The following PIGU variants were observed in gnomAD, a reference collection of about 807,000 sequenced individuals.
PIGU encodes the protein GPI-anchor transamidase component PIGU.
PIGU carries 24 observed loss-of-function variants against 49.9 expected under a neutral mutation model. That is an observed-to-expected ratio of 0.48 (90% confidence interval 0.35 to 0.68). PIGU has a LOEUF of 0.68. PIGU is among the 30% of genes least tolerant of loss of function. The pLI, the probability that PIGU is intolerant of heterozygous loss-of-function variation, is 0.01. For missense variants in PIGU, 490 were observed against 532.6 expected (o/e 0.92, Z 0.79); for synonymous variants, 220 against 205.7 (o/e 1.07, Z -0.59).
At chr20:34,576,178 C>A (rs1231290173) in intron 10 of PIGU, among the ~76,000 whole-genome samples, 1 of 151,812 alleles carries the variant, frequency 6.6e-6, no homozygotes, top group Admixed American at 6.6e-5. Flanking sequence ...AGTTCAAGAC[C>A]AGCCTGGGCA....
At chr20:34,673,849 T>A (rs1421709516) in intron 1 of PIGU, among the ~76,000 whole-genome samples, 1 of 150,544 alleles carries the variant, frequency 6.6e-6, no homozygotes, top group Non-Finnish European at 1.5e-5. Context: ...GGTCAGGAGA[T>A]CAAGACCAGC....
intron 11 of PIGU, among the ~76,000 whole-genome samples, chr20:34,572,474 C>T (rs1452736533): frequency 1.3e-5 from 2 of 152,000 alleles, no homozygotes; most frequent in Admixed American, 1.3e-4. Flanking sequence ...TGGTGAAACC[C>T]TGTCTCTACT....
chr20:34,647,777 T>A (rs1271227335), intron 2 of PIGU, among the ~76,000 whole-genome samples: 1 of 152,162 alleles, frequency 6.6e-6, no homozygotes, highest in Non-Finnish European at 1.5e-5. Flanking sequence ...TAACGGTCCA[T>A]TATATGGTCA....
rs771762928 is a variant in PIGU, at chr20:34,562,484, G to T, written c.1195-1505C>A. 4 of 1,289,222 alleles carry T rather than the reference G, an allele frequency of 3.1e-6. No homozygotes were observed. The East Asian group carries it at 2.2e-4, about 71-fold the overall frequency. 79.9% of individuals were successfully genotyped at this position (1,289,222 alleles called of 1,614,324 possible). On this transcript the variant is annotated intron_variant, in intron 11 of 11. Transcript: ENST00000217446. The stretch of plus-strand genomic sequence containing the variant: ...AAGGAGAGATCAGAGGCGCCTGGAG[G>T]AGTTCAGGAAGGTGTCCTGTCACCA...
At chr20:34,644,091 A>G in intron 4 of PIGU, 73 bp downstream of exon 4, 1 of 1,345,584 alleles carries the variant, frequency 7.4e-7, no homozygotes, top group Non-Finnish European at 1.1e-6. Flanking sequence ...CCTTAAGTAT[A>G]AGATCTTTGT....
intron 1 of PIGU, among the ~76,000 whole-genome samples, chr20:34,664,469 C>T (rs1027402439): frequency 3.3e-4 from 48 of 146,954 alleles, no homozygotes; most frequent in Admixed American, 2.0e-3. Context: ...GAGGCCCAGG[C>T]GGGTGGATCA....
At chr20:34,667,675 TTTAA>T (rs1408504128) in intron 1 of PIGU, among the ~76,000 whole-genome samples, 35 of 152,324 alleles carry the variant, frequency 2.3e-4, no homozygotes, top group African/African-American at 8.4e-4. Context: ...ACAGAAGAAT[TTTAA>T]TTATTAAATA....
intron 2 of PIGU, among the ~76,000 whole-genome samples, chr20:34,654,481 CAAA>C (rs199991691): frequency 8.2e-5 from 4 of 48,892 alleles, no homozygotes; most frequent in Admixed American, 3.2e-4. Context: ...AACTCTGTCT[CAAA>C]AAAAAAAAAA....
intron 11 of PIGU, among the ~76,000 whole-genome samples, chr20:34,572,400 A>G (rs1007931772): frequency 6.6e-6 from 1 of 151,944 alleles, no homozygotes; most frequent in African/African-American, 2.4e-5. Context: ...TAATCGCAGC[A>G]CTTTGGGAGG....
intron 11 of PIGU, among the ~76,000 whole-genome samples, chr20:34,574,060 G>A (rs927988175): frequency 6.6e-6 from 1 of 152,236 alleles, no homozygotes; most frequent in South Asian, 2.1e-4. Flanking sequence ...TCCCATCCAG[G>A]CTATTACACA....
intron 6 of PIGU, among the ~76,000 whole-genome samples, chr20:34,630,215 TACCTGCAGAAG>T (rs1336003802): frequency 6.6e-6 from 1 of 151,996 alleles, no homozygotes; most frequent in Non-Finnish European, 1.5e-5. Flanking sequence ...CTTTCTACTC[TACCTGCAGAAG>T]ACCTCAGTTC....
intron 5 of PIGU, among the ~76,000 whole-genome samples, 194 bp downstream of exon 5, chr20:34,637,682 C>A (rs984337767): frequency 9.2e-5 from 14 of 152,098 alleles, no homozygotes; most frequent in Non-Finnish European, 1.6e-4. Context: ...GAGTCTTTGT[C>A]CCAAGAGAGA....
intron 6 of PIGU, among the ~76,000 whole-genome samples, chr20:34,623,724 T>A (rs1040811151): frequency 2.0e-5 from 3 of 152,296 alleles, no homozygotes; most frequent in African/African-American, 7.2e-5. Flanking sequence ...GCTAAGCATT[T>A]TATATTTCTT....
At position 34,560,663 on chromosome 20, in the gene PIGU, C is replaced by G. The variant is rs1277065054; in HGVS notation, c.*203G>C. The G allele has an allele frequency of 2.2e-6, 1 of 456,316 alleles. No homozygotes were observed. Among genetic ancestry groups the G allele is most frequent in the Non-Finnish European group, 3.9e-6 (1 of 259,026 alleles). The allele number at this position is 456,316 out of a possible 1,614,324, so 28.3% of individuals were successfully genotyped here. Reference sequence around the variant, plus strand: ...GTGTGCAGAGCCACAAGGTGGGGGTCCAAGTTGGGGAGCTCCCAGTTCTTC... The same window carrying G: ...GTGTGCAGAGCCACAAGGTGGGGGTGCAAGTTGGGGAGCTCCCAGTTCTTC... On this transcript the variant is annotated 3_prime_UTR_variant, in exon 12 of 12. Coordinates refer to ENST00000217446, the MANE Select transcript of PIGU (RefSeq NM_080476.5).
chr20:34,674,284 G>A (rs1279428909), intron 1 of PIGU, among the ~76,000 whole-genome samples: 3 of 151,992 alleles, frequency 2.0e-5, no homozygotes, highest in African/African-American at 7.3e-5. Context: ...GAACCTGGGA[G>A]GCGGAGGTTG....
Position 34,560,831 on chromosome 20 carries a change from C to T in PIGU, c.*35G>A. The T allele has an allele frequency of 6.8e-7, 1 of 1,474,414 alleles. No homozygotes were observed. Among genetic ancestry groups the T allele is most frequent in the East Asian group, 2.4e-5 (1 of 41,696 alleles). 91.3% of individuals were successfully genotyped at this position (1,474,414 alleles called of 1,614,324 possible). ...TTGGCCCAGCTTCTGGCCCCACAGC[C>T]CCCTGAGGTCCATGCAGCCCTGTGC... On this transcript the variant is annotated 3_prime_UTR_variant, in exon 12 of 12. Coordinates refer to ENST00000217446, the MANE Select transcript of PIGU (RefSeq NM_080476.5).
intron 5 of PIGU, 133 bp downstream of exon 5, chr20:34,637,743 C>A (rs1986012286): frequency 1.3e-6 from 2 of 1,503,028 alleles, no homozygotes; most frequent in East Asian, 4.9e-5. Flanking sequence ...CCCAGTTGTG[C>A]AACAGAACTA....
intron 2 of PIGU, among the ~76,000 whole-genome samples, chr20:34,656,564 G>A (rs868203365): frequency 8.5e-5 from 13 of 152,136 alleles, no homozygotes; most frequent in South Asian, 6.2e-4. Flanking sequence ...TTACAGGTAT[G>A]AGCCACTGCA....
intron 7 of PIGU, among the ~76,000 whole-genome samples, chr20:34,598,778 A>G (rs1235237973): frequency 2.0e-5 from 3 of 152,232 alleles, no homozygotes; most frequent in Non-Finnish European, 2.9e-5. Context: ...TTAAGGAATT[A>G]CGCCTCAGGC....
Sources: gnomAD v4.1 joint callset for allele counts (sites outside exome capture counted in the v4.1 genomes callset) on GRCh38, gnomAD v4.1.1 for gene constraint, MANE v1.5 for transcripts, NCBI Gene and HGNC (gene_info 2026-07-23, HGNC 2026-07-21) for gene names.